Variants in CCDC171 observed in about 807,000 individuals in gnomAD.
CCDC171 encodes the protein coiled-coil domain containing 171, also known as coiled-coil domain-containing protein 171.
In CCDC171, 177 loss-of-function variants were observed where a neutral mutation model predicts 168.2. The ratio of observed to expected loss-of-function variants is 1.05; its 90% CI spans 0.93 to 1.19. The LOEUF (loss-of-function observed/expected upper bound fraction) is 1.19. Ranked by LOEUF, CCDC171 falls within the 50% of genes most tolerant of loss-of-function variation. CCDC171 has a pLI of 0.00. For missense variants in CCDC171, 1,991 were observed against 1,539.0 expected, an observed-to-expected ratio of 1.29 and a Z score of -4.91; for synonymous variants, 687 against 540.8, an observed-to-expected ratio of 1.27 and a Z score of -3.75.
In CCDC171 at chr9:15,657,138, A is replaced by G; in HGVS notation, c.834A>G (p.Leu278=). 2 of 1,602,730 alleles carry G rather than the reference A, an allele frequency of 1.2e-6. No homozygotes were observed. The highest frequency in any genetic ancestry group is 1.7e-6 in the Non-Finnish European group (2 of 1,172,922). The change falls in exon 8 of 26, where the codon CTA becomes CTG. Residue 278 remains leucine, a synonymous_variant. Coordinates refer to ENST00000380701, the MANE Select transcript of CCDC171 (RefSeq NM_173550.4). ...TAATTTGTTTTCAGGCAACTACTCTAAGAGTGAGGAAATTAGAAGAAAACA... is the reference window on the plus strand; with the variant it reads ...TAATTTGTTTTCAGGCAACTACTCTGAGAGTGAGGAAATTAGAAGAAAACA... ...RLRKEFEATT[L]RVRKLEENIE...
At chr9:15,926,916 T>C (rs1237561190) in intron 25 of CCDC171, among the ~76,000 whole-genome samples, 2 of 151,684 alleles carry the variant, frequency 1.3e-5, no homozygotes, top group Admixed American at 1.3e-4. Flanking sequence ...GCTTTTACCA[T>C]ATAATAAGTA....
At chr9:16,083,769 T>C in the CCDC171 span, among the ~76,000 whole-genome samples, 1 of 152,206 alleles carries the variant, frequency 6.6e-6, no homozygotes, top group South Asian at 2.1e-4. Flanking sequence ...GTTGAAAAGT[T>C]TCAACGATCT....
chr9:15,634,632 A>G (rs1274318066), intron 7 of CCDC171, among the ~76,000 whole-genome samples: 1 of 151,972 alleles, frequency 6.6e-6, no homozygotes, highest in Non-Finnish European at 1.5e-5. Flanking sequence ...AGCGATGAGT[A>G]AAAAAAACAC....
intron 25 of CCDC171, among the ~76,000 whole-genome samples, chr9:15,949,587 C>T (rs1014725608): frequency 6.6e-6 from 1 of 152,150 alleles, no homozygotes; most frequent in Non-Finnish European, 1.5e-5. Flanking sequence ...GGAGTTCACT[C>T]ATGATTTGGA....
chr9:15,891,467 G>C (rs934240982), intron 24 of CCDC171, among the ~76,000 whole-genome samples: 8 of 152,180 alleles, frequency 5.3e-5, no homozygotes, highest in Non-Finnish European at 8.8e-5. Context: ...TCTGATCAAA[G>C]CAGTTGGATC....
intron 6 of CCDC171, among the ~76,000 whole-genome samples, chr9:15,622,338 A>T (rs962329898): frequency 6.6e-6 from 1 of 152,234 alleles, no homozygotes; most frequent in Admixed American, 6.5e-5. Context: ...TGAATTTAAA[A>T]TGTTTCTTCA....
intron 25 of CCDC171, among the ~76,000 whole-genome samples, chr9:15,970,408 TA>T (rs1010846444): frequency 1.2e-4 from 18 of 151,142 alleles, no homozygotes; most frequent in African/African-American, 4.2e-4. Flanking sequence ...TTTTTTTTTT[TA>T]AAACCCTGCA....
At position 15,623,462 on chromosome 9, in the gene CCDC171, T is replaced by TACGCGC. The variant is rs1554714712; in HGVS notation, c.822+50_822+51insCGCGCA. 5 of 486,814 alleles carry TACGCGC rather than the reference T, an allele frequency of 1.0e-5. 1 individual carries two copies. The highest frequency in any genetic ancestry group is 4.6e-5 in the African/African-American group (1 of 21,620). 30.2% of individuals were successfully genotyped at this position (486,814 alleles called of 1,614,324 possible). ...ATATATATGCGTACAAACTTTCACATATGCGCGCGCGCGCACACACACACA... is the reference window on the plus strand; with the variant it reads ...ATATATATGCGTACAAACTTTCACATACGCGCATGCGCGCGCGCGCACACACACACA... On this transcript the variant is annotated intron_variant, in intron 7 of 25. Transcript: ENST00000380701.
intron 21 of CCDC171, among the ~76,000 whole-genome samples, chr9:15,789,781 G>A (rs893389815): frequency 7.7e-6 from 1 of 129,256 alleles, no homozygotes; most frequent in Non-Finnish European, 1.5e-5. Context: ...TCCCCGGTGT[G>A]TGATGTTCCC....
In CCDC171 at chr9:15,643,670, C is replaced by T. The variant is rs185706877; in HGVS notation, c.823-13457C>T. 3.7e-4 allele frequency among the ~76,000 whole-genome samples: 56 copies of T among 152,216 alleles called. 1 individual carries two copies. The highest frequency in any genetic ancestry group is 1.0e-3 in the African/African-American group (42 of 41,566). ...CTATTACCACTATCTAATTCCAGAG[C>T]GTTTTCATCACCCCACTAAGAAATT... On this transcript the variant is annotated intron_variant, in intron 7 of 25. Coordinates refer to ENST00000380701, the MANE Select transcript of CCDC171 (RefSeq NM_173550.4).
At chr9:15,878,798 T>A (rs1397845984) in intron 24 of CCDC171, among the ~76,000 whole-genome samples, 1 of 152,020 alleles carries the variant, frequency 6.6e-6, no homozygotes, top group African/African-American at 2.4e-5. Context: ...TATACAACCA[T>A]AAAAAGAACG....
intron 21 of CCDC171, among the ~76,000 whole-genome samples, chr9:15,824,581 G>A (rs1572977): frequency 0.93 from 141,134 of 152,088 alleles, 65,607 homozygotes; most frequent in East Asian, 0.98. Flanking sequence ...ACTAAGGTCT[G>A]GATTATGACT....
intron 25 of CCDC171, among the ~76,000 whole-genome samples, chr9:15,950,564 A>G (rs1829023240): frequency 6.6e-6 from 1 of 152,164 alleles, no homozygotes; most frequent in Non-Finnish European, 1.5e-5. Context: ...TTAACAGACA[A>G]GCAAATGCTG....
intron 1 of CCDC171, among the ~76,000 whole-genome samples, chr9:15,561,012 A>G (rs1410744489): frequency 2.6e-5 from 4 of 152,140 alleles, no homozygotes; most frequent in Non-Finnish European, 4.4e-5. Context: ...GTTTGCCTGG[A>G]TATCACTAGC....
At chr9:15,951,278 T>G (rs1054404036) in intron 25 of CCDC171, among the ~76,000 whole-genome samples, 1 of 149,998 alleles carries the variant, frequency 6.7e-6, no homozygotes, top group Non-Finnish European at 1.5e-5. Context: ...GTGGACCTAA[T>G]AGACATCTAC....
chr9:15,790,880 C>G (rs2058222809), intron 21 of CCDC171, among the ~76,000 whole-genome samples: 1 of 152,138 alleles, frequency 6.6e-6, no homozygotes, highest in African/African-American at 2.4e-5. Flanking sequence ...TTGTTTTTGT[C>G]AGGTTTGTCA....
intron 23 of CCDC171, among the ~76,000 whole-genome samples, chr9:15,851,924 A>G (rs933134376): frequency 2.6e-5 from 4 of 151,852 alleles, no homozygotes; most frequent in Admixed American, 6.6e-5. Flanking sequence ...ATACCCTTTT[A>G]TGGCTGAATA....
intron 16 of CCDC171, among the ~76,000 whole-genome samples, chr9:15,736,211 G>A (rs1384320251): frequency 6.6e-6 from 1 of 152,078 alleles, no homozygotes; most frequent in Non-Finnish European, 1.5e-5. Context: ...GTTTTAGTAC[G>A]TTTTTACCAT....
At position 15,554,664 on chromosome 9, in the gene CCDC171, A is replaced by G. The variant is rs537141595; in HGVS notation, c.-112+1362A>G. Among the ~76,000 whole-genome samples the G allele has an allele frequency of 1.4e-4, 21 of 152,316 alleles. No individual in the cohort carries two copies. The East Asian group carries it at 3.7e-3, about 27-fold the overall frequency. ...TTGGTCTTGTTTTGATGTAAGAACC[A>G]AACTTCCCCTTTAAAGGTTGATTAT... On this transcript the variant is annotated intron_variant, in intron 1 of 25. Transcript: ENST00000380701.
Sources: gnomAD v4.1 joint callset for allele counts (sites outside exome capture counted in the v4.1 genomes callset) on GRCh38, gnomAD v4.1.1 for gene constraint, MANE v1.5 for transcripts, NCBI Gene and HGNC (gene_info 2026-07-23, HGNC 2026-07-21) for gene names.